Variants in TBCK observed in about 807,000 individuals in gnomAD.
TBCK encodes TBC domain-containing protein kinase-like protein.
In TBCK, 99 loss-of-function variants were observed where a neutral mutation model predicts 113.4. The observed-to-expected ratio is 0.87, with a 90% confidence interval of 0.74 to 1.03. TBCK has a LOEUF of 1.03. Ranked by LOEUF, TBCK falls within the 50% of genes least tolerant of loss-of-function variation. TBCK has a pLI of 0.00. For synonymous variants in TBCK, 369 were observed against 370.8 expected, an observed-to-expected ratio of 1.00 and a Z score of 0.05; for missense variants, 1,045 against 1,061.3, an observed-to-expected ratio of 0.98 and a Z score of 0.21.
chr4:106,064,996 G>A (rs1736470282), intron 25 of TBCK, among the ~76,000 whole-genome samples: 1 of 151,944 alleles, frequency 6.6e-6, no homozygotes, highest in African/African-American at 2.4e-5. Context: ...TTTACAAGCT[G>A]AAACTTTGAC....
intron 23 of TBCK, among the ~76,000 whole-genome samples, chr4:106,147,477 C>A (rs902412959): frequency 2.0e-5 from 3 of 152,174 alleles, no homozygotes; most frequent in Non-Finnish European, 4.4e-5. Flanking sequence ...GGCAGAAGAA[C>A]GTGGATTGTG....
intron 25 of TBCK, among the ~76,000 whole-genome samples, chr4:106,073,059 G>C (rs1442012289): frequency 6.6e-6 from 1 of 152,146 alleles, no homozygotes; most frequent in African/African-American, 2.4e-5. Flanking sequence ...CTTTAGCTTG[G>C]AGAAGTTTGT....
intron 3 of TBCK, among the ~76,000 whole-genome samples, chr4:106,291,809 C>T (rs11932670): frequency 8.5e-5 from 13 of 152,182 alleles, no homozygotes; most frequent in African/African-American, 2.7e-4. Flanking sequence ...GTTCCTCTTT[C>T]GACTAGCACC....
chr4:106,202,010 A>G (rs1754941275), intron 20 of TBCK, among the ~76,000 whole-genome samples: 1 of 152,012 alleles, frequency 6.6e-6, no homozygotes, highest in Admixed American at 6.6e-5. Context: ...ATCTCCTTGA[A>G]CCTTTAGGAT....
intron 22 of TBCK, among the ~76,000 whole-genome samples, chr4:106,181,995 C>T (rs1752452239): frequency 6.6e-6 from 1 of 152,124 alleles, no homozygotes; most frequent in Admixed American, 6.6e-5. Context: ...TCTTCCTATC[C>T]ATGAGCATGG....
At chr4:106,199,965 A>G (rs891923960) in intron 20 of TBCK, among the ~76,000 whole-genome samples, 1 of 152,208 alleles carries the variant, frequency 6.6e-6, no homozygotes, top group Non-Finnish European at 1.5e-5. Flanking sequence ...GCTCAAAAGC[A>G]TCAGTGGCTT....
At chr4:106,316,507 G>A (rs1215976674), upstream of TBCK, 7 of 1,549,340 alleles carry the variant, frequency 4.5e-6, no homozygotes, top group Non-Finnish European at 6.1e-6. Flanking sequence ...ACCTCATTGG[G>A]TCCTTTCTCA....
intron 23 of TBCK, among the ~76,000 whole-genome samples, chr4:106,158,471 T>C (rs1749374100): frequency 6.6e-6 from 1 of 152,148 alleles, no homozygotes; most frequent in South Asian, 2.1e-4. Flanking sequence ...GAGAGAAGTA[T>C]ACAGATTAAT....
At chr4:106,255,924 C>T (rs750372036) in intron 5 of TBCK, among the ~76,000 whole-genome samples, 8 of 152,168 alleles carry the variant, frequency 5.3e-5, no homozygotes, top group Non-Finnish European at 1.0e-4. Flanking sequence ...GAGTGTCCAA[C>T]ACTCAGCTGA....
At chr4:106,105,630 G>T (rs2149539756) in intron 24 of TBCK, among the ~76,000 whole-genome samples, 1 of 152,298 alleles carries the variant, frequency 6.6e-6, no homozygotes, top group African/African-American at 2.4e-5. Context: ...AAACCCCAAA[G>T]CTTCAACACA....
intron 19 of TBCK, among the ~76,000 whole-genome samples, chr4:106,224,279 A>C (rs184187863): frequency 2.7e-5 from 4 of 150,692 alleles, no homozygotes; most frequent in Admixed American, 6.7e-5. Flanking sequence ...TAAAATACAA[A>C]ATATTTTAAG....
chr4:106,118,155 C>G (rs955494918), intron 23 of TBCK, among the ~76,000 whole-genome samples: 38 of 151,846 alleles, frequency 2.5e-4, no homozygotes, highest in African/African-American at 8.7e-4. Flanking sequence ...TCTCTTTTTT[C>G]TCAGTTACAT....
At chr4:106,288,920 C>A (rs995597497) in intron 3 of TBCK, among the ~76,000 whole-genome samples, 7 of 152,314 alleles carry the variant, frequency 4.6e-5, no homozygotes, top group African/African-American at 1.7e-4. Context: ...TGTGTATAAG[C>A]TATCATTCAA....
intron 23 of TBCK, among the ~76,000 whole-genome samples, chr4:106,153,199 T>A (rs769701306): frequency 6.6e-6 from 1 of 152,086 alleles, no homozygotes; most frequent in Non-Finnish European, 1.5e-5. Context: ...TAGGCACTTA[T>A]AGCTATTAAC....
chr4:106,309,392 A>C (rs1191056769), intron 1 of TBCK, among the ~76,000 whole-genome samples: 1 of 140,728 alleles, frequency 7.1e-6, no homozygotes, highest in East Asian at 2.2e-4. Context: ...CGCGCACTGC[A>C]ACCTCTGCCT....
At chr4:106,107,935 T>G (rs574580034) in intron 24 of TBCK, among the ~76,000 whole-genome samples, 1 of 152,058 alleles carries the variant, frequency 6.6e-6, no homozygotes, top group African/African-American at 2.4e-5. Flanking sequence ...AAATGACTAA[T>G]GAAATGTAAC....
intron 5 of TBCK, among the ~76,000 whole-genome samples, chr4:106,254,745 T>C (rs1016477944): frequency 6.6e-6 from 1 of 152,076 alleles, no homozygotes; most frequent in African/African-American, 2.4e-5. Flanking sequence ...TTGAAACCTC[T>C]TTCTCCCCAA....
chr4:106,219,016 T>C (rs1468834511), intron 19 of TBCK, among the ~76,000 whole-genome samples: 1 of 151,740 alleles, frequency 6.6e-6, no homozygotes, highest in Non-Finnish European at 1.5e-5. Context: ...GTGGCACATA[T>C]ACACCATGGA....
chr4:106,126,079 A>G (rs778284545), intron 23 of TBCK, among the ~76,000 whole-genome samples: 5 of 152,180 alleles, frequency 3.3e-5, no homozygotes, highest in African/African-American at 4.8e-5. Context: ...TTTTCACGCC[A>G]CTGTGCCTTT....
Sources: allele counts gnomAD v4.1 joint callset (sites outside exome capture counted in the v4.1 genomes callset), GRCh38; gene constraint gnomAD v4.1.1; transcripts MANE v1.5; gene names NCBI Gene and HGNC (gene_info 2026-07-23, HGNC 2026-07-21).